Variants in RUVBL1 observed in about 807,000 individuals in gnomAD.
RUVBL1 encodes RuvB like AAA ATPase 1.
RUVBL1 carries 4 observed loss-of-function variants against 52.4 expected under a neutral mutation model. That is an observed-to-expected ratio of 0.08 (90% CI 0.04 to 0.17). The LOEUF is 0.17. Among genes scored for constraint, RUVBL1 ranks in the 10% least tolerant of loss-of-function variants. The probability of loss-of-function intolerance (pLI) is 1.00; values close to 1 mark genes in which losing one functional copy is unlikely to be tolerated. For synonymous variants in RUVBL1, 217 were observed against 214.4 expected (o/e 1.01, Z -0.10); for missense variants, 298 against 572.8 (o/e 0.52, Z 4.90).
chr3:128,140,311 G>T (rs1424460353), intron 1 of RUVBL1, among the ~76,000 whole-genome samples: 1 of 93,192 alleles, frequency 1.1e-5, no homozygotes, highest in African/African-American at 4.7e-5. Flanking sequence ...TCATCCTTGT[G>T]TGCTAATAGA....
intron 5 of RUVBL1, among the ~76,000 whole-genome samples, 195 bp from the exon 6 acceptor site, chr3:128,100,939 G>T (rs1215130966): frequency 6.6e-6 from 1 of 152,176 alleles, no homozygotes; most frequent in African/African-American, 2.4e-5. Context: ...CCAAAAACTG[G>T]GTTGAAAAAC....
At position 128,097,307 on chromosome 3, in the gene RUVBL1, C is replaced by G. The variant is rs867607053; in HGVS notation, c.1009G>C (p.Val337Leu). 1 of 1,613,916 alleles carries G rather than the reference C, an allele frequency of 6.2e-7. No individual in the cohort carries two copies. The highest frequency in any genetic ancestry group is 8.5e-7 in the Non-Finnish European group (1 of 1,179,986). The change falls in exon 8 of 11, where the codon GTC becomes CTC. Residue 337 changes from valine to leucine, a missense_variant. By Grantham distance (32) the Val-to-Leu change is conservative. Coordinates refer to ENST00000322623, the MANE Select transcript of RUVBL1 (RefSeq NM_003707.3). ...GGCAGGCAGCCATCCTACCTGATGA[C>G]ACAGTTGCCTCGGTTGGATGCAAAG... is the stretch of plus-strand genomic sequence containing the variant. Reference protein sequence around the residue: ...VIFASNRGNCVIRGTEDITSP... With the variant: ...VIFASNRGNCLIRGTEDITSP...
chr3:128,148,221 A>T (rs768982488), intron 1 of RUVBL1, among the ~76,000 whole-genome samples: 2 of 152,118 alleles, frequency 1.3e-5, no homozygotes, highest in Non-Finnish European at 2.9e-5. Flanking sequence ...GTACACCAAC[A>T]AGGGTGAATT....
intron 3 of RUVBL1, among the ~76,000 whole-genome samples, chr3:128,108,765 T>C (rs1943306743): frequency 6.6e-6 from 1 of 152,090 alleles, no homozygotes; most frequent in Non-Finnish European, 1.5e-5. Flanking sequence ...CTCATCTTTA[T>C]TATGAGTTAA....
chr3:128,093,327 G>A (rs1028504647), intron 8 of RUVBL1, among the ~76,000 whole-genome samples: 1 of 152,166 alleles, frequency 6.6e-6, no homozygotes, highest in Non-Finnish European at 1.5e-5. Flanking sequence ...CAGTGGATGG[G>A]GGTAAGGGTG....
chr3:128,106,760 T>G (rs560301348), intron 3 of RUVBL1, among the ~76,000 whole-genome samples: 1 of 152,298 alleles, frequency 6.6e-6, no homozygotes, highest in East Asian at 1.9e-4. Flanking sequence ...GCCTGAGAAC[T>G]CTAAGGAGTC....
chr3:128,089,426 G>A (rs1261150198), intron 8 of RUVBL1, among the ~76,000 whole-genome samples: 1 of 152,238 alleles, frequency 6.6e-6, no homozygotes, highest in African/African-American at 2.4e-5. Context: ...ACTTGTGCAG[G>A]ATTGTACAGT....
At chr3:128,129,133 G>A (rs1943838502) in intron 1 of RUVBL1, among the ~76,000 whole-genome samples, 1 of 152,042 alleles carries the variant, frequency 6.6e-6, no homozygotes, top group Non-Finnish European at 1.5e-5. Flanking sequence ...TACTCTTGCT[G>A]CTCCCATGAA....
At chr3:128,145,491 C>G (rs1247914058) in intron 1 of RUVBL1, among the ~76,000 whole-genome samples, 1 of 152,238 alleles carries the variant, frequency 6.6e-6, no homozygotes, top group East Asian at 1.9e-4. Flanking sequence ...ATCCAGCCCC[C>G]AGAGGTCTGA....
At chr3:128,123,293 T>G (rs1195665459) in intron 1 of RUVBL1, among the ~76,000 whole-genome samples, 1 of 152,180 alleles carries the variant, frequency 6.6e-6, no homozygotes. Context: ...GAATAGAGCC[T>G]GGTACGAATT....
At chr3:128,088,255 C>A (rs1344213926) in intron 8 of RUVBL1, among the ~76,000 whole-genome samples, 2 of 146,686 alleles carry the variant, frequency 1.4e-5, no homozygotes, top group East Asian at 4.0e-4. Context: ...GAGTGAGACT[C>A]TGTTCCAAAA....
intron 8 of RUVBL1, among the ~76,000 whole-genome samples, chr3:128,090,915 A>G (rs960049589): frequency 6.6e-6 from 1 of 152,218 alleles, no homozygotes; most frequent in Non-Finnish European, 1.5e-5. Flanking sequence ...CAACAAACAT[A>G]AAAAGTTTAA....
intron 9 of RUVBL1, among the ~76,000 whole-genome samples, chr3:128,072,458 G>C (rs1942192122): frequency 6.6e-6 from 1 of 152,212 alleles, no homozygotes; most frequent in Non-Finnish European, 1.5e-5. Context: ...AGGGGAGTTG[G>C]GTCAGAGCAG....
chr3:128,136,420 G>T (rs1017395205), intron 1 of RUVBL1, among the ~76,000 whole-genome samples: 2 of 152,112 alleles, frequency 1.3e-5, no homozygotes, highest in Non-Finnish European at 2.9e-5. Flanking sequence ...GAGCCCAGGA[G>T]TTTGAGACTA....
intron 3 of RUVBL1, among the ~76,000 whole-genome samples, chr3:128,106,991 C>A (rs1943255564): frequency 6.6e-6 from 1 of 152,190 alleles, no homozygotes; most frequent in South Asian, 2.1e-4. Context: ...CAATAATCCA[C>A]CAAGCTATGC....
Position 128,067,972 on chromosome 3 carries a change from G to T in RUVBL1, c.940-2752C>A, listed in dbSNP as rs1337586647. Reference sequence around the variant, plus strand: ...TCCAATTCCAACTTCTCCCCTGTGGGCACCCTGCAGGTTGCAAAGCAGCTG... The same window carrying T: ...TCCAATTCCAACTTCTCCCCTGTGGTCACCCTGCAGGTTGCAAAGCAGCTG... On this transcript the variant is annotated intron_variant, in intron 9 of 9. Coordinates refer to the RUVBL1 transcript ENST00000464873. This position sits in a 1 kb window ranked among gnomAD's most constrained non-coding sequence, Gnocchi z 4.1. The T allele has an allele frequency of 6.2e-7, 1 of 1,612,688 alleles. No individual in the cohort carries two copies. The highest frequency in any genetic ancestry group is 1.3e-5 in the African/African-American group (1 of 74,922).
chr3:128,087,917 A>G, intron 8 of RUVBL1, 109 bp from the exon 9 acceptor site: 1 of 780,880 alleles, frequency 1.3e-6, no homozygotes, highest in South Asian at 1.6e-5. Flanking sequence ...AGGCAGCCTA[A>G]GAATCAGAGC....
chr3:128,125,760 G>C (rs1039230269), upstream of RUVBL1, among the ~76,000 whole-genome samples: 1 of 152,210 alleles, frequency 6.6e-6, no homozygotes, highest in Non-Finnish European at 1.5e-5. Flanking sequence ...ATCAGCACTA[G>C]AGACAGCACC....
At chr3:128,128,215 T>C (rs1375555059), upstream of RUVBL1, among the ~76,000 whole-genome samples, 1 of 152,176 alleles carries the variant, frequency 6.6e-6, no homozygotes, top group African/African-American at 2.4e-5. Context: ...CTTGAATTCC[T>C]GAACTCAAGC....
Sources: gnomAD v4.1 joint callset for allele counts (sites outside exome capture counted in the v4.1 genomes callset) on GRCh38, gnomAD v4.1.1 for gene constraint, Gnocchi (gnomAD v3.1) non-coding constraint, MANE v1.5 for transcripts, NCBI Gene and HGNC (gene_info 2026-07-23, HGNC 2026-07-21) for gene names.